ARB2A: variants seen among roughly 807,000 people sequenced by gnomAD.
ARB2A encodes the protein ARB2 cotranscriptional regulator A, also known as cotranscriptional regulator ARB2A.
chr5:93,952,427 T>TC, the ARB2A span, among the ~76,000 whole-genome samples: 1 of 152,200 alleles, frequency 6.6e-6, no homozygotes, highest in African/African-American at 2.4e-5. Flanking sequence ...AAGAATATTT[T>TC]CCCCAGATAT....
At chr5:93,750,261 T>C in the ARB2A span, among the ~76,000 whole-genome samples, 2 of 152,156 alleles carry the variant, frequency 1.3e-5, no homozygotes, top group African/African-American at 4.8e-5. Flanking sequence ...ATAATTAAAT[T>C]TGGATTATCT....
the ARB2A span, among the ~76,000 whole-genome samples, chr5:94,064,810 T>C: frequency 3.3e-5 from 5 of 152,214 alleles, no homozygotes; most frequent in Non-Finnish European, 7.3e-5. Context: ...TCATCACTAC[T>C]AGACCAGATC....
chr5:94,096,328 G>C, the ARB2A span, among the ~76,000 whole-genome samples: 2 of 152,232 alleles, frequency 1.3e-5, no homozygotes, highest in Admixed American at 1.3e-4. Context: ...TAGAGGAAAG[G>C]GGTATCACTT....
the ARB2A span, among the ~76,000 whole-genome samples, chr5:94,080,874 T>A: frequency 6.6e-6 from 1 of 152,192 alleles, no homozygotes; most frequent in African/African-American, 2.4e-5. Context: ...TGTCTCAGCA[T>A]CTGCTTCCAA....
chr5:94,063,392 C>G, the ARB2A span, among the ~76,000 whole-genome samples: 1 of 152,142 alleles, frequency 6.6e-6, no homozygotes, highest in African/African-American at 2.4e-5. Context: ...TCGTACCTAC[C>G]ATCAACAAAA....
chr5:93,736,760 C>G, the ARB2A span: 1 of 152,048 alleles, frequency 6.6e-6, no homozygotes, highest in Non-Finnish European at 1.5e-5. Context: ...AAACCCATAC[C>G]CTCGCATATA....
chr5:93,690,635 G>A, the ARB2A span, among the ~76,000 whole-genome samples: 2 of 152,140 alleles, frequency 1.3e-5, no homozygotes, highest in African/African-American at 4.8e-5. Flanking sequence ...AGCTTCAGCA[G>A]AATTAAATGT....
chr5:93,650,040 A>G, the ARB2A span, among the ~76,000 whole-genome samples: 2 of 152,324 alleles, frequency 1.3e-5, no homozygotes, highest in East Asian at 3.9e-4. Context: ...GCAAAGAAAA[A>G]AGAAAGGACT....
chr5:94,079,169 T>G, the ARB2A span, among the ~76,000 whole-genome samples: 1 of 152,258 alleles, frequency 6.6e-6, no homozygotes, highest in African/African-American at 2.4e-5. Flanking sequence ...ACTTAATTTT[T>G]GGACATAAGT....
chr5:93,717,747 G>A, the ARB2A span, among the ~76,000 whole-genome samples: 3 of 151,634 alleles, frequency 2.0e-5, no homozygotes, highest in South Asian at 4.2e-4. Flanking sequence ...AATTTCACTC[G>A]TAGATTAAGG....
chr5:93,637,298 A>G, the ARB2A span, among the ~76,000 whole-genome samples: 1 of 149,622 alleles, frequency 6.7e-6, no homozygotes, highest in Non-Finnish European at 1.5e-5. Context: ...GTATAGATAT[A>G]CCACAGCTTG....
chr5:94,030,100 G>A, the ARB2A span, among the ~76,000 whole-genome samples: 6 of 152,102 alleles, frequency 3.9e-5, no homozygotes, highest in African/African-American at 7.2e-5. Flanking sequence ...ACCTCTCACC[G>A]GGTCCCTCTG....
the ARB2A span, among the ~76,000 whole-genome samples, chr5:93,657,542 G>T: frequency 6.6e-6 from 1 of 152,126 alleles, no homozygotes; most frequent in Non-Finnish European, 1.5e-5. Flanking sequence ...AAGAATACAG[G>T]TTATGCCATA....
At chr5:93,744,232 C>T in the ARB2A span, among the ~76,000 whole-genome samples, 1 of 151,594 alleles carries the variant, frequency 6.6e-6, no homozygotes, top group Non-Finnish European at 1.5e-5. Context: ...GTCAGGAGTT[C>T]AAGACCAGCC....
chr5:93,696,418 C>A, the ARB2A span, among the ~76,000 whole-genome samples: 8 of 152,140 alleles, frequency 5.3e-5, no homozygotes, highest in Admixed American at 5.2e-4. Context: ...ACCCATCTTT[C>A]AAGGTTCAGT....
At chr5:93,981,431 G>A in the ARB2A span, among the ~76,000 whole-genome samples, 1 of 151,964 alleles carries the variant, frequency 6.6e-6, no homozygotes, top group Non-Finnish European at 1.5e-5. Flanking sequence ...AAGAAAGACT[G>A]TAGTTTTACT....
the ARB2A span, among the ~76,000 whole-genome samples, chr5:93,698,879 A>G: frequency 1.2e-4 from 19 of 152,320 alleles, no homozygotes; most frequent in East Asian, 3.3e-3. Flanking sequence ...ACAGTAACAT[A>G]TGCTATGGTG....
chr5:93,917,773 G>A, the ARB2A span, among the ~76,000 whole-genome samples: 1 of 152,138 alleles, frequency 6.6e-6, no homozygotes, highest in East Asian at 1.9e-4. Flanking sequence ...CAGCTACTGG[G>A]GGAATGGGGA....
At chr5:93,960,484 A>G in the ARB2A span, among the ~76,000 whole-genome samples, 1 of 152,160 alleles carries the variant, frequency 6.6e-6, no homozygotes, top group Admixed American at 6.6e-5. Context: ...CCTCCACTAG[A>G]ACGTAAGTCC....
Sources: gnomAD v4.1 joint callset for allele counts (sites outside exome capture counted in the v4.1 genomes callset) on GRCh38, gnomAD v4.1.1 for gene constraint, MANE v1.5 for transcripts, NCBI Gene and HGNC (gene_info 2026-07-23, HGNC 2026-07-21) for gene names.